Variants in KLRC2 observed in about 807,000 individuals in gnomAD.
KLRC2 encodes NKG2-C type II integral membrane protein.
A neutral mutation model predicts 25.5 loss-of-function variants in KLRC2; 10 were observed. That is an observed-to-expected ratio of 0.39 (90% confidence interval 0.24 to 0.67). The LOEUF (loss-of-function observed/expected upper bound fraction) is 0.67. KLRC2 is among the 30% of genes least tolerant of loss of function. The pLI is 0.45. For synonymous variants in KLRC2, 48 were observed against 93.3 expected (o/e 0.51, Z 2.80); for missense variants, 170 against 272.8 (o/e 0.62, Z 2.65).
chr12:10,432,317 T>C (rs565139887), intron 4 of KLRC2, 111 bp from the exon 5 acceptor site: 3 of 615,454 alleles, frequency 4.9e-6, no homozygotes, highest in Non-Finnish European at 7.6e-6. Context: ...TTCATAAATG[T>C]TTGAATTTTT....
chr12:10,433,716 T>C (rs1863839162), intron 4 of KLRC2, 75 bp downstream of exon 4: 1 of 1,380,106 alleles, frequency 7.2e-7, no homozygotes, highest in Non-Finnish European at 1.0e-6. Flanking sequence ...TGTACACACA[T>C]ATGGATGTTT....
At chr12:10,434,967 T>C (rs1863854738) in intron 2 of KLRC2, 1 of 755,170 alleles carries the variant, frequency 1.3e-6, no homozygotes, top group Non-Finnish European at 1.9e-6. Context: ...ATTGTACTAA[T>C]ATCAGAACTT....
chr12:10,433,689 T>C lies in KLRC2; in HGVS notation c.483+102A>G, dbSNP rs546493797. 125 of 1,211,640 alleles carry C rather than the reference T, an allele frequency of 1.0e-4. 21 individuals are homozygous for C. In the African/African-American group the frequency reaches 1.9e-3, roughly 19 times the overall value. 75.1% of individuals were successfully genotyped at this position (1,211,640 alleles called of 1,614,324 possible). A position where few individuals can be genotyped will look rare whatever the true frequency, so the allele number is the denominator to read the frequency against. On this transcript the variant is annotated intron_variant, in intron 4 of 5. Transcript: ENST00000381902. The stretch of plus-strand genomic sequence containing the variant: ...ATTGAATATTACATACACTTGAAAA[T>C]ATATGAGATAAATATATGTACACAC...
intron 3 of KLRC2, chr12:10,434,175 C>A: frequency 1.4e-6 from 1 of 711,660 alleles, no homozygotes; most frequent in Non-Finnish European, 2.3e-6. Context: ...AACAAAAATA[C>A]ACTCTACACA....
chr12:10,431,774 G>C (rs1863818981), intron 5 of KLRC2, among the ~76,000 whole-genome samples: 1 of 79,746 alleles, frequency 1.3e-5, no homozygotes, highest in Admixed American at 1.4e-4. Context: ...AAAACATTCT[G>C]TGATTTTTTT....
Position 10,431,063 on chromosome 12 carries a change from A to G in KLRC2, c.*54T>C. 4 of 1,265,414 alleles carry G rather than the reference A, an allele frequency of 3.2e-6. 2 individuals are homozygous for G. The highest frequency in any genetic ancestry group is 2.7e-5 in the South Asian group (2 of 75,270). 78.4% of individuals were successfully genotyped at this position (1,265,414 alleles called of 1,614,324 possible). On this transcript the variant is annotated 3_prime_UTR_variant, in exon 6 of 6. Transcript: ENST00000381902. ...AGATTTATGCAATCATAATATTTCT[A>G]TTTTAAGAAATATAAAATGTATCTG...
chr12:10,431,241 A>C lies in KLRC2; in HGVS notation c.585-13T>G. 2 of 1,527,558 alleles carry C rather than the reference A, an allele frequency of 1.3e-6. No homozygotes were observed. Among genetic ancestry groups the C allele is most frequent in the South Asian group, 2.3e-5 (2 of 88,634 alleles). The allele number at this position is 1,527,558 out of a possible 1,614,324, so 94.6% of individuals were successfully genotyped here. Reference sequence around the variant, plus strand: ...TGAGTCTTTTATCCTGTAATGGAGAAAAATCCATTTTCTGTTACATTTTAA... The same window carrying C: ...TGAGTCTTTTATCCTGTAATGGAGACAAATCCATTTTCTGTTACATTTTAA... On this transcript the variant is annotated splice_polypyrimidine_tract_variant and intron_variant, in intron 5 of 5. Coordinates refer to ENST00000381902, the MANE Select transcript of KLRC2 (RefSeq NM_002260.4).
chr12:10,434,135 A>T, intron 3 of KLRC2, 193 bp from the exon 4 acceptor site: 1 of 962,484 alleles, frequency 1.0e-6, no homozygotes, highest in Non-Finnish European at 1.5e-6. Flanking sequence ...TCTCCTCCCT[A>T]ATTGTGTTCC....
intron 3 of KLRC2, chr12:10,434,270 T>C (rs1376662975): frequency 1.7e-6 from 1 of 583,448 alleles, no homozygotes; most frequent in East Asian, 4.1e-5. Context: ...GTAGGAAACC[T>C]CTGTTAATTG....
intron 4 of KLRC2, among the ~76,000 whole-genome samples, chr12:10,433,481 T>G (rs11608362): frequency 7.0e-6 from 1 of 142,150 alleles, no homozygotes; most frequent in Non-Finnish European, 1.5e-5. Flanking sequence ...TTGTATCACA[T>G]GCATTCATTC....
Position 10,433,882 on chromosome 12 carries a change from A to G in KLRC2, c.392T>C (p.Ile131Thr), listed in dbSNP as rs781243006. Residue 131 changes from isoleucine to threonine, a missense_variant, in exon 4 of 6, where the codon ATT (isoleucine) becomes ACT (threonine). By Grantham distance (89) the Ile-to-Thr change is moderately conservative. This residue lies in a region of KLRC2 where 129 missense variants were observed against 150.2 expected (regional missense o/e 0.86). Transcript: ENST00000381902. Reference protein sequence around the residue: ...WITYSNSCYYIGKERRTWEES... With the variant: ...WITYSNSCYYTGKERRTWEES... ...TTCCCAAGTTCTTCTTTCCTTACCAATGTAATAACAACTGTTGGAATATGT... is the reference window on the plus strand; with the variant it reads ...TTCCCAAGTTCTTCTTTCCTTACCAGTGTAATAACAACTGTTGGAATATGT... 39 of 1,550,598 alleles carry G rather than the reference A, an allele frequency of 2.5e-5. 5 individuals are homozygous for G. The highest frequency in any genetic ancestry group is 3.1e-5 in the Non-Finnish European group (35 of 1,136,312).
chr12:10,434,879 T>G (rs1342140476), intron 2 of KLRC2: 3 of 339,106 alleles, frequency 8.8e-6, no homozygotes, highest in African/African-American at 2.2e-5. Context: ...ACACAAAAAA[T>G]AAACACATGT....
At chr12:10,434,669 A>G (rs200160612) in intron 2 of KLRC2, 139 bp from the exon 3 acceptor site, 12,044 of 521,828 alleles carry the variant, frequency 0.023, 11 homozygotes, top group South Asian at 0.11. Flanking sequence ...TTTCTATAAA[A>G]ATATATAAAG....
intron 5 of KLRC2, among the ~76,000 whole-genome samples, 173 bp downstream of exon 5, chr12:10,431,933 G>A (rs1342896728): frequency 7.1e-6 from 1 of 141,174 alleles, no homozygotes; most frequent in South Asian, 2.2e-4. Flanking sequence ...AGACCAATGA[G>A]CGGTTGAAAT....
chr12:10,431,360 A>C, intron 5 of KLRC2, 132 bp from the exon 6 acceptor site: 1 of 1,120,716 alleles, frequency 8.9e-7, no homozygotes, highest in Non-Finnish European at 1.3e-6. Flanking sequence ...TATTAGTAAG[A>C]GTCATTATTC....
rs61917674 is a variant in KLRC2 at position 10,432,015 on chromosome 12, G to A, written c.584+91C>T. The A allele has an allele frequency of 3.5e-5, 37 of 1,063,354 alleles. 2 individuals carry two copies. The Admixed American group carries it at 4.9e-4, about 14-fold the overall frequency. The allele number at this position is 1,063,354 out of a possible 1,614,324, so 65.9% of individuals were successfully genotyped here. A position where few individuals can be genotyped will look rare whatever the true frequency, so the allele number is the denominator to read the frequency against. ...ACTAACTTTCCACATCTTTCTTCAT[G>A]TCAATGATTCCACATAAATTTATTC... On this transcript the variant is annotated intron_variant, in intron 5 of 5. Transcript: ENST00000381902.
chr12:10,431,404 C>T lies in KLRC2; in HGVS notation c.585-176G>A, dbSNP rs527854430. Reference sequence around the variant, plus strand: ...CAACAGAGTAGTCCCTCTTCATCCACGAGGGATATGTTTCAAGACCCCAGT... The same window carrying T: ...CAACAGAGTAGTCCCTCTTCATCCATGAGGGATATGTTTCAAGACCCCAGT... On this transcript the variant is annotated intron_variant, in intron 5 of 5. Transcript: ENST00000381902. 308 of 750,316 alleles carry T rather than the reference C, an allele frequency of 4.1e-4. 36 individuals are homozygous for T. The South Asian group carries it at 4.1e-3, about 10-fold the overall frequency. The allele number at this position is 750,316 out of a possible 1,614,324, so 46.5% of individuals were successfully genotyped here.
Position 10,431,029 on chromosome 12 carries a change from T to A in KLRC2, c.*88A>T. Reference sequence around the variant, plus strand: ...TTTTGTATCAGAGCAAATAACATAATTCATTTTCAGATTTATGCAATCATA... The same window carrying A: ...TTTTGTATCAGAGCAAATAACATAAATCATTTTCAGATTTATGCAATCATA... On this transcript the variant is annotated 3_prime_UTR_variant, in exon 6 of 6. Coordinates refer to ENST00000381902, the MANE Select transcript of KLRC2 (RefSeq NM_002260.4). The A allele has an allele frequency of 8.5e-7, 1 of 1,176,614 alleles. No homozygotes were observed. Among genetic ancestry groups the A allele is most frequent in the Middle Eastern group, 2.8e-4 (1 of 3,520 alleles). 72.9% of individuals were successfully genotyped at this position (1,176,614 alleles called of 1,614,324 possible).
At position 10,431,146 on chromosome 12, in the gene KLRC2, T is replaced by G. The variant is rs762205127; in HGVS notation, c.667A>C (p.Met223Leu). 3 of 1,543,202 alleles carry G rather than the reference T, an allele frequency of 1.9e-6. No homozygotes were observed. In the African/African-American group the frequency reaches 4.4e-5, roughly 23 times the overall value. Residue 223 changes from methionine to leucine, a missense_variant, in exon 6 of 6, where the codon ATG becomes CTG. Coordinates refer to ENST00000381902, the MANE Select transcript of KLRC2 (RefSeq NM_002260.4). The stretch of plus-strand genomic sequence containing the variant: ...AGCTTATGCTTACAATGATATATCA[T>G]TGAAGATCCACACTGGGCTGATTTA... ...RLKSAQCGSS[M>L]IYHCKHKL
Sources: gnomAD v4.1 joint callset for allele counts (sites outside exome capture counted in the v4.1 genomes callset) on GRCh38, gnomAD v4.1.1 for gene constraint, gnomAD v4.1.1 regional missense constraint, MANE v1.5 for transcripts, NCBI Gene and HGNC (gene_info 2026-07-23, HGNC 2026-07-21) for gene names.